Variants in ANGPT2 observed in about 807,000 individuals in gnomAD.
ANGPT2 encodes angiopoietin-2.
A neutral mutation model predicts 62.9 loss-of-function variants in ANGPT2; 28 were observed. That is an observed-to-expected ratio of 0.44 (90% CI 0.33 to 0.61). The LOEUF is 0.61. Ranked by LOEUF, ANGPT2 falls within the 20% of genes least tolerant of loss-of-function variation. ANGPT2 has a pLI of 0.03. For synonymous variants in ANGPT2, 284 were observed against 207.8 expected (o/e 1.37, Z -3.15); for missense variants, 727 against 594.9 (o/e 1.22, Z -2.31).
rs571797092 is a variant in ANGPT2, at chr8:6,549,390, A to G, written c.288+13257T>C. Among the ~76,000 whole-genome samples the G allele has an allele frequency of 2.0e-5, 3 of 152,366 alleles. No individual in the cohort carries two copies. In the South Asian group the frequency reaches 6.2e-4, roughly 32 times the overall value. ...TCCAATTACATGACATTCAAAACCT[A>G]GCAAAATTAACCCATGGTGGGTGAC... On this transcript the variant is annotated intron_variant, in intron 1 of 8. Transcript: ENST00000629816.
chr8:6,503,094 G>C lies in ANGPT2; in HGVS notation c.*7C>G. On this transcript the variant is annotated 3_prime_UTR_variant, in exon 9 of 9. Coordinates refer to ENST00000629816, the MANE Select transcript of ANGPT2 (RefSeq NM_001118887.2). ...TTCGAGACAGTTCCTCAGGTGGACT[G>C]GGATGTTTAGAAATCTGCTGGTCGG... The C allele has an allele frequency of 6.2e-7, 1 of 1,614,122 alleles. No homozygotes were observed. The highest frequency in any genetic ancestry group is 8.5e-7 in the Non-Finnish European group (1 of 1,180,008).
intron 5 of ANGPT2, among the ~76,000 whole-genome samples, chr8:6,516,214 G>A (rs986369281): frequency 2.6e-5 from 4 of 152,208 alleles, no homozygotes; most frequent in East Asian, 3.9e-4. Context: ...CCTTGTTACC[G>A]CTCTGTATTG....
intron 4 of ANGPT2, among the ~76,000 whole-genome samples, chr8:6,520,675 C>T (rs563220584): frequency 8.0e-4 from 122 of 152,266 alleles, no homozygotes; most frequent in African/African-American, 2.8e-3. Flanking sequence ...CAATTAGAGG[C>T]GTGATCCACC....
chr8:6,542,210 G>GT (rs1393798122), intron 1 of ANGPT2, among the ~76,000 whole-genome samples: 1 of 152,082 alleles, frequency 6.6e-6, no homozygotes, highest in Non-Finnish European at 1.5e-5. Context: ...ATGTCTCAGT[G>GT]TTTTTCTATG....
At chr8:6,541,343 T>C (rs149913256) in intron 1 of ANGPT2, among the ~76,000 whole-genome samples, 1,590 of 152,078 alleles carry the variant, frequency 0.01, 19 homozygotes, top group Middle Eastern at 0.044. Context: ...GACAGGCTAG[T>C]GGGTAACTCG....
intron 1 of ANGPT2, among the ~76,000 whole-genome samples, chr8:6,538,068 G>A (rs189767805): frequency 3.4e-4 from 52 of 152,122 alleles, no homozygotes; most frequent in African/African-American, 8.2e-4. Flanking sequence ...TTTCAATTTC[G>A]AAATAGGATT....
In ANGPT2 at chr8:6,528,133, G is replaced by A. The variant is rs145443926; in HGVS notation, c.445-457C>T. ...GCTGGTCTGGAACTCCTGACCTCAAGGGATTCACCTGCCTCGGCCTCCCAT... is the reference window on the plus strand; with the variant it reads ...GCTGGTCTGGAACTCCTGACCTCAAAGGATTCACCTGCCTCGGCCTCCCAT... On this transcript the variant is annotated intron_variant, in intron 2 of 8. Coordinates refer to ENST00000629816, the MANE Select transcript of ANGPT2 (RefSeq NM_001118887.2). Among the ~76,000 whole-genome samples the A allele has an allele frequency of 7.7e-3, 1,174 of 152,256 alleles. 42 individuals carry two copies. Among genetic ancestry groups the A allele is most frequent in the East Asian group, 0.062 (322 of 5,184 alleles).
intron 1 of ANGPT2, among the ~76,000 whole-genome samples, chr8:6,538,435 C>G (rs549794594): frequency 2.6e-5 from 4 of 152,206 alleles, no homozygotes; most frequent in Non-Finnish European, 5.9e-5. Flanking sequence ...CCGCAGCTCA[C>G]TTTCTTCCCT....
chr8:6,559,341 G>A (rs1825160511), intron 1 of ANGPT2, among the ~76,000 whole-genome samples: 1 of 151,924 alleles, frequency 6.6e-6, no homozygotes. Flanking sequence ...TCCCAGTGAC[G>A]GCAGCTATGT....
chr8:6,554,786 G>T (rs576027561), intron 1 of ANGPT2, among the ~76,000 whole-genome samples: 10 of 152,268 alleles, frequency 6.6e-5, no homozygotes, highest in African/African-American at 2.4e-4. Context: ...TTTCAATCAG[G>T]TTCTAGATGA....
intron 8 of ANGPT2, among the ~76,000 whole-genome samples, chr8:6,503,708 A>C (rs2979666): frequency 0.52 from 78,952 of 152,048 alleles, 21,181 homozygotes; most frequent in African/African-American, 0.63. Flanking sequence ...TGAAGTTTAA[A>C]CTAAAATATT....
At chr8:6,509,805 C>G (rs778674274) in intron 7 of ANGPT2, among the ~76,000 whole-genome samples, 2 of 152,200 alleles carry the variant, frequency 1.3e-5, no homozygotes, top group African/African-American at 2.4e-5. Context: ...GTGCTCGGAA[C>G]ACTCACATTA....
intron 8 of ANGPT2, among the ~76,000 whole-genome samples, chr8:6,503,956 G>C (rs1457762918): frequency 1.3e-5 from 2 of 152,144 alleles, no homozygotes; most frequent in African/African-American, 2.4e-5. Flanking sequence ...TGCTATTTTT[G>C]CTTTCTGCAC....
chr8:6,539,771 G>C (rs1017079961), intron 1 of ANGPT2, among the ~76,000 whole-genome samples: 2 of 152,248 alleles, frequency 1.3e-5, no homozygotes, highest in South Asian at 4.2e-4. Flanking sequence ...ATTTTTAATA[G>C]AGATGGGGCT....
intron 7 of ANGPT2, among the ~76,000 whole-genome samples, chr8:6,513,146 C>T (rs1815514997): frequency 6.6e-6 from 1 of 152,162 alleles, no homozygotes; most frequent in African/African-American, 2.4e-5. Flanking sequence ...TGAAGATACA[C>T]AGTAAACACA....
intron 1 of ANGPT2, among the ~76,000 whole-genome samples, chr8:6,543,016 A>G (rs551985139): frequency 6.6e-6 from 1 of 152,178 alleles, no homozygotes; most frequent in Non-Finnish European, 1.5e-5. Context: ...GGACTTGGGA[A>G]TGCTGATGGG....
At chr8:6,526,507 T>C (rs938786860) in intron 3 of ANGPT2, among the ~76,000 whole-genome samples, 1 of 152,222 alleles carries the variant, frequency 6.6e-6, no homozygotes, top group Admixed American at 6.5e-5. Context: ...CAAATGTTCA[T>C]TTACTGTTTG....
intron 1 of ANGPT2, among the ~76,000 whole-genome samples, chr8:6,557,011 A>G (rs1009588160): frequency 1.3e-5 from 2 of 151,994 alleles, no homozygotes; most frequent in Non-Finnish European, 2.9e-5. Context: ...CTCCTGCCCC[A>G]AACTGGAAAC....
At chr8:6,556,806 C>A (rs1824695205) in intron 1 of ANGPT2, among the ~76,000 whole-genome samples, 1 of 152,016 alleles carries the variant, frequency 6.6e-6, no homozygotes, top group African/African-American at 2.4e-5. Flanking sequence ...CCAGGCTGGT[C>A]TTGAACTCCT....
Sources: gnomAD v4.1 joint callset for allele counts (sites outside exome capture counted in the v4.1 genomes callset) on GRCh38, gnomAD v4.1.1 for gene constraint, MANE v1.5 for transcripts, NCBI Gene and HGNC (gene_info 2026-07-23, HGNC 2026-07-21) for gene names.